Variants in GMDS observed in about 807,000 individuals in gnomAD.
The protein encoded by GMDS is GDP-mannose 4,6-dehydratase, also known as GDP-mannose 4,6 dehydratase.
Under a neutral mutation model 49.9 loss-of-function variants are expected in GMDS, and 20 were observed. The ratio of observed to expected loss-of-function variants is 0.40; its 90% CI spans 0.28 to 0.58. GMDS has a LOEUF of 0.58. GMDS is among the 20% of genes least tolerant of loss of function. The pLI is 0.42. For synonymous variants in GMDS, 177 were observed against 178.6 expected (o/e 0.99, Z 0.07); for missense variants, 362 against 481.4 (o/e 0.75, Z 2.32).
intron 7 of GMDS, among the ~76,000 whole-genome samples, chr6:1,748,589 GGACA>G (rs1170953770): frequency 6.6e-6 from 1 of 152,102 alleles, no homozygotes; most frequent in Non-Finnish European, 1.5e-5. Flanking sequence ...TTAAGCCAGG[GGACA>G]GACAACTTTT....
intron 7 of GMDS, among the ~76,000 whole-genome samples, chr6:1,858,240 G>GT (rs1229000374): frequency 1.3e-5 from 2 of 152,094 alleles, no homozygotes; most frequent in African/African-American, 4.8e-5. Flanking sequence ...GTGCTTAGAC[G>GT]TTACCCCTCA....
intron 7 of GMDS, among the ~76,000 whole-genome samples, chr6:1,832,825 C>T (rs1756726428): frequency 1.3e-5 from 2 of 152,362 alleles, no homozygotes; most frequent in South Asian, 4.1e-4. Flanking sequence ...TAAGTTCTGT[C>T]TTTGCCTGCC....
intron 1 of GMDS, among the ~76,000 whole-genome samples, chr6:2,149,174 T>C (rs1178242511): frequency 2.0e-5 from 3 of 152,124 alleles, no homozygotes. Flanking sequence ...GGCTTTATCT[T>C]GGAATGCTTA....
At chr6:1,911,982 G>C (rs192454515) in intron 7 of GMDS, among the ~76,000 whole-genome samples, 2 of 152,190 alleles carry the variant, frequency 1.3e-5, no homozygotes, top group Non-Finnish European at 2.9e-5. Context: ...TAGGTCTGAG[G>C]CTACATTTGA....
chr6:1,784,919 A>G (rs1769258522), intron 7 of GMDS, among the ~76,000 whole-genome samples: 1 of 152,244 alleles, frequency 6.6e-6, no homozygotes, highest in Non-Finnish European at 1.5e-5. Context: ...CTACTGCACA[A>G]TTAGTTTTGA....
chr6:2,009,485 G>T (rs1767411814), intron 4 of GMDS, among the ~76,000 whole-genome samples: 1 of 152,128 alleles, frequency 6.6e-6, no homozygotes, highest in Non-Finnish European at 1.5e-5. Context: ...TAGAATCCAA[G>T]ATTCCCAGCT....
chr6:2,173,584 T>C (rs1778126720), intron 1 of GMDS, among the ~76,000 whole-genome samples: 3 of 152,322 alleles, frequency 2.0e-5, no homozygotes, highest in African/African-American at 4.8e-5. Context: ...TGGGCATAAA[T>C]TGAAGTTATA....
intron 7 of GMDS, among the ~76,000 whole-genome samples, chr6:1,916,956 ATCT>A (rs970329012): frequency 1.3e-5 from 2 of 151,938 alleles, no homozygotes; most frequent in African/African-American, 4.8e-5. Context: ...CAGAATGGAT[ATCT>A]TCTTCAAATT....
rs576104537 is a variant in GMDS at position 2,094,649 on chromosome 6, G to A, written c.345+21122C>T. Among the ~76,000 whole-genome samples, 27 of 152,318 alleles carry A rather than the reference G, an allele frequency of 1.8e-4. 1 individual carries two copies. In the East Asian group the frequency reaches 3.7e-3, roughly 21 times the overall value. ...TAAGAAGTGGGTAGGCATATTTGGTGCAGTTTAGGGGTTGAGGGGAGTTAG... is the reference window on the plus strand; with the variant it reads ...TAAGAAGTGGGTAGGCATATTTGGTACAGTTTAGGGGTTGAGGGGAGTTAG... On this transcript the variant is annotated intron_variant, in intron 4 of 10. Transcript: ENST00000380815.
chr6:1,645,149 T>G (rs377448489), intron 9 of GMDS, among the ~76,000 whole-genome samples: 9 of 152,156 alleles, frequency 5.9e-5, no homozygotes, highest in African/African-American at 2.2e-4. Flanking sequence ...CTGGTCAGGC[T>G]GGTCTCGAAC....
At chr6:2,227,082 T>C (rs1780846269) in intron 1 of GMDS, among the ~76,000 whole-genome samples, 2 of 152,190 alleles carry the variant, frequency 1.3e-5, no homozygotes, top group African/African-American at 4.8e-5. Context: ...GGTGTTGTTT[T>C]TTTTCCCCCT....
intron 9 of GMDS, among the ~76,000 whole-genome samples, chr6:1,626,984 T>C (rs12193783): frequency 0.24 from 37,121 of 152,250 alleles, 5,421 homozygotes; most frequent in South Asian, 0.48. Context: ...AATACTGCAG[T>C]CTAGCTGCTT....
chr6:1,770,734 A>G (rs2113579246), intron 7 of GMDS, among the ~76,000 whole-genome samples: 1 of 152,276 alleles, frequency 6.6e-6, no homozygotes, highest in South Asian at 2.1e-4. Flanking sequence ...AGATGGCAGA[A>G]GATTAGTCAG....
intron 1 of GMDS, among the ~76,000 whole-genome samples, chr6:2,234,582 C>T (rs1321273637): frequency 2.0e-5 from 3 of 151,874 alleles, no homozygotes; most frequent in South Asian, 2.1e-4. Context: ...GCACTCCAGC[C>T]TGGGCAATAA....
chr6:1,632,727 A>G (rs1159766106), intron 9 of GMDS, among the ~76,000 whole-genome samples: 5 of 152,150 alleles, frequency 3.3e-5, no homozygotes, highest in Admixed American at 3.3e-4. Context: ...AAACTTTAAA[A>G]AATTAGCTGG....
intron 1 of GMDS, among the ~76,000 whole-genome samples, chr6:2,157,504 G>T (rs776805856): frequency 1.3e-5 from 2 of 152,192 alleles, no homozygotes; most frequent in African/African-American, 4.8e-5. Flanking sequence ...CTGCTGACCT[G>T]AGTAGAAAAG....
chr6:1,830,683 G>A (rs1443892523), intron 7 of GMDS, among the ~76,000 whole-genome samples: 1 of 152,092 alleles, frequency 6.6e-6, no homozygotes, highest in Non-Finnish European at 1.5e-5. Context: ...GTAAGCGAAT[G>A]ATAAACTATA....
intron 7 of GMDS, among the ~76,000 whole-genome samples, chr6:1,853,098 TAGG>T (rs921433005): frequency 1.2e-4 from 19 of 152,268 alleles, no homozygotes; most frequent in South Asian, 4.1e-4. Flanking sequence ...CAGGACTTGC[TAGG>T]AGAATTTTTT....
intron 7 of GMDS, among the ~76,000 whole-genome samples, chr6:1,876,481 G>A (rs1759068862): frequency 6.6e-6 from 1 of 152,196 alleles, no homozygotes. Context: ...CTAAACTTAT[G>A]CCCAGGTTGT....
Sources: allele counts gnomAD v4.1 joint callset (sites outside exome capture counted in the v4.1 genomes callset), GRCh38; gene constraint gnomAD v4.1.1; transcripts MANE v1.5; gene names NCBI Gene and HGNC (gene_info 2026-07-23, HGNC 2026-07-21).